The following IKBKB-DT variants were observed in gnomAD, a reference collection of about 807,000 sequenced individuals.
IKBKB-DT encodes IKBKB divergent transcript.
exon 1 of IKBKB-DT, chr8:42,271,215 G>C (rs1807632516): frequency 4.8e-6 from 3 of 624,784 alleles, no homozygotes; most frequent in Non-Finnish European, 2.9e-6. Context: ...AGGGTCCCGG[G>C]ACAGGCGCAG....
At chr8:42,265,567 A>G (rs1038971058) in intron 2 of IKBKB-DT, 1 of 152,230 alleles carries the variant, frequency 6.6e-6, no homozygotes, top group African/African-American at 2.4e-5. Context: ...AACACAGCCC[A>G]TGGGTCAAAA....
At chr8:42,241,224 CTTTTTTTTTTTTTTTTTTTTTTTTTTTTT>C (rs773177896) in intron 3 of IKBKB-DT, among the ~76,000 whole-genome samples, 21 of 45,678 alleles carry the variant, frequency 4.6e-4, no homozygotes, top group Non-Finnish European at 8.1e-4. Context: ...ATGTTGGAAT[CTTTTTTTTTTTTTTTTTTTTTTTTTTTTT>C]TTTTTTTTTT....
intron 3 of IKBKB-DT, among the ~76,000 whole-genome samples, chr8:42,261,795 A>C (rs957584689): frequency 2.6e-5 from 4 of 152,146 alleles, no homozygotes; most frequent in African/African-American, 9.7e-5. Context: ...AGGTTGACAG[A>C]CACTGGTCAC....
intron 1 of IKBKB-DT, among the ~76,000 whole-genome samples, chr8:42,269,451 G>GAGGGA (rs1349845080): frequency 1.1e-4 from 1 of 8,866 alleles, no homozygotes; most frequent in African/African-American, 3.9e-4. Context: ...GAGGGGAGGG[G>GAGGGA]AGGGGAGGGG....
chr8:42,267,390 C>T (rs1161440718), intron 1 of IKBKB-DT, among the ~76,000 whole-genome samples: 3 of 152,130 alleles, frequency 2.0e-5, no homozygotes, highest in Non-Finnish European at 2.9e-5. Context: ...GGGTCTGGAT[C>T]GGGACCCCTT....
At chr8:42,252,441 G>A (rs1807141129) in intron 3 of IKBKB-DT, among the ~76,000 whole-genome samples, 1 of 152,164 alleles carries the variant, frequency 6.6e-6, no homozygotes, top group South Asian at 2.1e-4. Context: ...TTTCCTTGGT[G>A]TGAGGCAATG....
At chr8:42,237,080 G>GTT (rs56990936) in intron 3 of IKBKB-DT, among the ~76,000 whole-genome samples, 7,245 of 140,604 alleles carry the variant, frequency 0.052, 317 homozygotes, top group South Asian at 0.19. Flanking sequence ...AGAAGGCTCA[G>GTT]TTTTTTTTTT....
intron 3 of IKBKB-DT, among the ~76,000 whole-genome samples, chr8:42,241,355 G>A (rs543136250): frequency 2.1e-4 from 30 of 144,986 alleles, no homozygotes; most frequent in Admixed American, 1.1e-3. Context: ...GCTACTTGAT[G>A]TTAATTATGG....
chr8:42,236,023 T>A (rs1053212705), intron 3 of IKBKB-DT, among the ~76,000 whole-genome samples: 4 of 152,024 alleles, frequency 2.6e-5, no homozygotes, highest in Non-Finnish European at 5.9e-5. Context: ...TGAGACTCCA[T>A]CTCAAAAAAC....
chr8:42,258,002 A>G (rs1035239614), intron 3 of IKBKB-DT, among the ~76,000 whole-genome samples: 3 of 152,010 alleles, frequency 2.0e-5, no homozygotes, highest in Admixed American at 1.3e-4. Context: ...ACACCTGAAA[A>G]AGACAACATG....
intron 3 of IKBKB-DT, among the ~76,000 whole-genome samples, chr8:42,247,295 C>G (rs189981032): frequency 6.4e-4 from 98 of 152,334 alleles, no homozygotes; most frequent in South Asian, 1.7e-3. Flanking sequence ...GATTTAATGA[C>G]TGCCCTGCTG....
chr8:42,234,525 T>A (rs1806893108), intron 3 of IKBKB-DT, among the ~76,000 whole-genome samples: 1 of 152,230 alleles, frequency 6.6e-6, no homozygotes, highest in South Asian at 2.1e-4. Context: ...AAATCTGATG[T>A]GTCTGACTGC....
At chr8:42,246,572 A>G (rs1191970251) in intron 3 of IKBKB-DT, among the ~76,000 whole-genome samples, 1 of 152,196 alleles carries the variant, frequency 6.6e-6, no homozygotes, top group Admixed American at 6.5e-5. Context: ...GCATCAAGTG[A>G]TGCTCACTAA....
intron 1 of IKBKB-DT, among the ~76,000 whole-genome samples, chr8:42,269,924 T>G (rs1399445363): frequency 6.6e-6 from 1 of 152,196 alleles, no homozygotes; most frequent in Non-Finnish European, 1.5e-5. Flanking sequence ...GTTACTGATG[T>G]TTTGGCTGTT....
intron 3 of IKBKB-DT, among the ~76,000 whole-genome samples, chr8:42,244,102 T>G (rs932550039): frequency 6.6e-6 from 1 of 152,242 alleles, no homozygotes. Context: ...CTCAATTATA[T>G]TTATGAAAAT....
chr8:42,248,129 T>C (rs1396865468), intron 3 of IKBKB-DT, among the ~76,000 whole-genome samples: 1 of 152,012 alleles, frequency 6.6e-6, no homozygotes, highest in African/African-American at 2.4e-5. Flanking sequence ...TTCTTCTCCT[T>C]CCACCAGTAA....
In IKBKB-DT at chr8:42,267,132, G is replaced by A. The variant is rs576465737; in HGVS notation, n.604-736C>T. On this transcript the variant is annotated intron_variant and non_coding_transcript_variant, in intron 1 of 3. Transcript: ENST00000518213. ...CCATTCTCCTGCCTCAGCCTCCTGA[G>A]TAGCTGGGACTACAGGCGCCCGCCA... Among the ~76,000 whole-genome samples the A allele has an allele frequency of 6.6e-5, 10 of 151,784 alleles. No homozygotes were observed. In the East Asian group the frequency reaches 1.9e-3, roughly 30 times the overall value.
At chr8:42,236,816 G>C (rs1286416771) in intron 3 of IKBKB-DT, among the ~76,000 whole-genome samples, 1 of 152,088 alleles carries the variant, frequency 6.6e-6, no homozygotes, top group Non-Finnish European at 1.5e-5. Context: ...TATAACCAAA[G>C]TGAAAAAAAT....
Position 42,234,876 on chromosome 8 carries a change from C to T in IKBKB-DT, n.1530-1017G>A, listed in dbSNP as rs899660635. ...AACTCCTGACCTCAGGTGATCTGCC[C>T]GCCTTGGCCTCCCAAAGTGCTGGGA... is the stretch of plus-strand genomic sequence containing the variant. On this transcript the variant is annotated intron_variant and non_coding_transcript_variant, in intron 3 of 3. Transcript: ENST00000518213. Among the ~76,000 whole-genome samples the T allele has an allele frequency of 2.3e-4, 35 of 152,302 alleles. No individual in the cohort carries two copies. In the East Asian group the frequency reaches 2.7e-3, roughly 12 times the overall value.
Sources: allele counts gnomAD v4.1 joint callset (sites outside exome capture counted in the v4.1 genomes callset), GRCh38; gene constraint gnomAD v4.1.1; transcripts MANE v1.5; gene names NCBI Gene and HGNC (gene_info 2026-07-23, HGNC 2026-07-21).